The following PINX1 variants were observed in gnomAD, a reference collection of about 807,000 sequenced individuals.
PINX1 encodes PIN2 (TERF1) interacting telomerase inhibitor 1.
In PINX1, 34 loss-of-function variants were observed where a neutral mutation model predicts 25.4. The observed-to-expected ratio is 1.34, with a 90% CI of 1.02 to 1.78. The LOEUF (loss-of-function observed/expected upper bound fraction) is 1.78. Among genes scored for constraint, PINX1 ranks in the 40% most tolerant of loss-of-function variants. PINX1 has a pLI of 0.00. For missense variants in PINX1, 592 were observed against 404.9 expected (o/e 1.46, Z -3.97); for synonymous variants, 197 against 147.7 (o/e 1.33, Z -2.42).
At chr8:10,821,267 T>C (rs886740296) in intron 5 of PINX1, among the ~76,000 whole-genome samples, 1 of 152,276 alleles carries the variant, frequency 6.6e-6, no homozygotes, top group Admixed American at 6.5e-5. Context: ...CAGAAGGTTC[T>C]AGTTCACTAT....
rs373746199 is a variant in PINX1 at position 10,805,770 on chromosome 8, T to C, written c.471+14423A>G. On this transcript the variant is annotated intron_variant, in intron 6 of 6. Transcript: ENST00000314787. ...GGAGCACAGGAAGGGGCCACACTAGTGCTGAGTGGGTGGCAGAGCACAGGA... is the reference window on the plus strand; with the variant it reads ...GGAGCACAGGAAGGGGCCACACTAGCGCTGAGTGGGTGGCAGAGCACAGGA... 3.2e-3 allele frequency among the ~76,000 whole-genome samples: 336 copies of C among 104,328 alleles called. 38 individuals are homozygous for C. The highest frequency in any genetic ancestry group is 0.014 in the East Asian group (40 of 2,840). The allele number at this position is 104,328 out of a possible 152,430, so 68.4% of individuals were successfully genotyped here.
intron 6 of PINX1, among the ~76,000 whole-genome samples, chr8:10,804,917 T>C (rs895898229): frequency 6.6e-6 from 1 of 152,030 alleles, no homozygotes; most frequent in African/African-American, 2.4e-5. Flanking sequence ...CTGCCTATAC[T>C]TTAATCAAAA....
intron 6 of PINX1, among the ~76,000 whole-genome samples, chr8:10,768,910 A>T (rs575669771): frequency 2.0e-5 from 3 of 152,326 alleles, no homozygotes; most frequent in African/African-American, 7.2e-5. Flanking sequence ...TATTGAGAAA[A>T]CAAGTTACTT....
At chr8:10,838,137 G>A (rs1330471397) in intron 1 of PINX1, among the ~76,000 whole-genome samples, 1 of 152,160 alleles carries the variant, frequency 6.6e-6, no homozygotes, top group Non-Finnish European at 1.5e-5. Flanking sequence ...GGAGTTCTTA[G>A]AACCGGTTCT....
chr8:10,815,813 A>G (rs919255618), intron 6 of PINX1, among the ~76,000 whole-genome samples: 32 of 152,266 alleles, frequency 2.1e-4, no homozygotes, highest in African/African-American at 7.5e-4. Context: ...AGTGAACTTT[A>G]AAGACATCAA....
intron 3 of PINX1, among the ~76,000 whole-genome samples, 192 bp downstream of exon 3, chr8:10,832,700 A>G (rs1259805261): frequency 6.6e-6 from 1 of 152,244 alleles, no homozygotes; most frequent in Admixed American, 6.5e-5. Context: ...GATACTAAAA[A>G]TAAAAAGCGC....
At chr8:10,829,970 G>C (rs1798181124) in intron 4 of PINX1, among the ~76,000 whole-genome samples, 1 of 152,122 alleles carries the variant, frequency 6.6e-6, no homozygotes, top group South Asian at 2.1e-4. Flanking sequence ...ACCGTGCCCA[G>C]CCAAGCTTAC....
Position 10,839,818 on chromosome 8 carries a change from G to A in PINX1, c.-62C>T. The A allele has an allele frequency of 6.7e-7, 1 of 1,491,044 alleles. No homozygotes were observed. Among genetic ancestry groups the A allele is most frequent in the Non-Finnish European group, 9.2e-7 (1 of 1,090,460 alleles). The allele number at this position is 1,491,044 out of a possible 1,614,324, so 92.4% of individuals were successfully genotyped here. Reference sequence around the variant, plus strand: ...GGTGACTGCGGCCACTGGGCGGGCTGGAGACTCCAGGAGAATCAGGACGTG... The same window carrying A: ...GGTGACTGCGGCCACTGGGCGGGCTAGAGACTCCAGGAGAATCAGGACGTG... On this transcript the variant is annotated 5_prime_UTR_variant, in exon 1 of 7. Transcript: ENST00000314787.
At chr8:10,823,720 T>C (rs1797947030) in intron 5 of PINX1, among the ~76,000 whole-genome samples, 1 of 152,134 alleles carries the variant, frequency 6.6e-6, no homozygotes, top group African/African-American at 2.4e-5. Context: ...CCCAGCACGC[T>C]GGGAGGCTAA....
intron 6 of PINX1, among the ~76,000 whole-genome samples, chr8:10,776,759 T>A (rs1265864206): frequency 1.3e-5 from 2 of 152,128 alleles, no homozygotes; most frequent in Non-Finnish European, 2.9e-5. Context: ...TGCCCAGACC[T>A]GTCACCAGAG....
chr8:10,774,037 C>G (rs1163353768), intron 6 of PINX1, among the ~76,000 whole-genome samples: 1 of 152,192 alleles, frequency 6.6e-6, no homozygotes, highest in Non-Finnish European at 1.5e-5. Flanking sequence ...AAATCGTTCT[C>G]TCCCCTGCTC....
chr8:10,793,085 C>A (rs753582936), intron 6 of PINX1, among the ~76,000 whole-genome samples: 1 of 152,250 alleles, frequency 6.6e-6, no homozygotes, highest in Admixed American at 6.5e-5. Flanking sequence ...GCCTACTATG[C>A]GCGAACACTC....
chr8:10,768,601 G>A (rs1293987222), intron 6 of PINX1, among the ~76,000 whole-genome samples: 1 of 152,164 alleles, frequency 6.6e-6, no homozygotes, highest in African/African-American at 2.4e-5. Context: ...GCAAAGTGCT[G>A]GCCACACAAT....
At chr8:10,769,622 C>T (rs1801163437) in intron 6 of PINX1, among the ~76,000 whole-genome samples, 1 of 152,236 alleles carries the variant, frequency 6.6e-6, no homozygotes, top group Admixed American at 6.5e-5. Context: ...AGGCACTTGA[C>T]ATCAAGTGGC....
intron 1 of PINX1, among the ~76,000 whole-genome samples, chr8:10,839,419 C>G (rs767326616): frequency 2.0e-5 from 3 of 152,216 alleles, no homozygotes; most frequent in Non-Finnish European, 4.4e-5. Context: ...GCAACCAGTC[C>G]GGGACCCCAC....
chr8:10,795,233 G>A (rs2129077926), intron 6 of PINX1, among the ~76,000 whole-genome samples: 1 of 152,286 alleles, frequency 6.6e-6, no homozygotes, highest in East Asian at 1.9e-4. Context: ...CTCTGCCTCT[G>A]CCAAGTTCAG....
intron 3 of PINX1, 101 bp from the exon 4 acceptor site, chr8:10,831,844 G>C (rs1438062176): frequency 2.9e-6 from 2 of 680,534 alleles, no homozygotes; most frequent in Non-Finnish European, 5.3e-6. Context: ...GGTTAATTAA[G>C]AAATTTTAAA....
At chr8:10,811,356 T>C (rs912164202) in intron 6 of PINX1, among the ~76,000 whole-genome samples, 1 of 152,208 alleles carries the variant, frequency 6.6e-6, no homozygotes, top group Non-Finnish European at 1.5e-5. Flanking sequence ...TTAGATGACC[T>C]GATTTCCTCA....
intron 6 of PINX1, among the ~76,000 whole-genome samples, chr8:10,818,510 G>C (rs182721821): frequency 2.6e-4 from 40 of 152,222 alleles, no homozygotes; most frequent in African/African-American, 8.7e-4. Flanking sequence ...TTCTACAAAA[G>C]CCCACAAGTA....
Sources: allele counts gnomAD v4.1 joint callset (sites outside exome capture counted in the v4.1 genomes callset), GRCh38; gene constraint gnomAD v4.1.1; transcripts MANE v1.5; gene names NCBI Gene and HGNC (gene_info 2026-07-23, HGNC 2026-07-21).